Variants in GATAD2A observed in about 807,000 individuals in gnomAD.
GATAD2A encodes the protein GATA zinc finger domain containing 2A.
GATAD2A carries 12 observed loss-of-function variants against 68.5 expected under a neutral mutation model. That is an observed-to-expected ratio of 0.18 (90% CI 0.11 to 0.28). GATAD2A has a LOEUF of 0.28. Among genes scored for constraint, GATAD2A ranks in the 10% least tolerant of loss-of-function variants. GATAD2A has a pLI of 1.00. For synonymous variants in GATAD2A, 410 were observed against 375.3 expected, an observed-to-expected ratio of 1.09 and a Z score of -1.07; for missense variants, 755 against 868.5, an observed-to-expected ratio of 0.87 and a Z score of 1.64.
intron 1 of GATAD2A, among the ~76,000 whole-genome samples, chr19:19,407,859 T>C (rs1255764408): frequency 6.6e-6 from 1 of 152,258 alleles, no homozygotes; most frequent in Non-Finnish European, 1.5e-5. Flanking sequence ...ATTTTCTGTA[T>C]CCTCTGTCTT....
At position 19,415,598 on chromosome 19, in the gene GATAD2A, C is replaced by T. The variant is rs140371874; in HGVS notation, c.-7+9579C>T. 4.7e-3 allele frequency among the ~76,000 whole-genome samples: 707 copies of T among 150,544 alleles called. 6 individuals carry two copies. Among genetic ancestry groups the T allele is most frequent in the South Asian group, 0.041 (195 of 4,738 alleles). On this transcript the variant is annotated intron_variant, in intron 1 of 11. Transcript: ENST00000683918. ...CCAAGTAGCTGCGATTACAGGCGTG[C>T]GCCACCATGCCGGGCTAATATTTTT...
At chr19:19,462,145 C>T (rs1277368103) in intron 1 of GATAD2A, among the ~76,000 whole-genome samples, 2 of 152,348 alleles carry the variant, frequency 1.3e-5, no homozygotes, top group South Asian at 2.1e-4. Context: ...AGTCATCTGT[C>T]GCGCTTTCTT....
intron 11 of GATAD2A, among the ~76,000 whole-genome samples, chr19:19,502,755 T>C (rs953791910): frequency 1.3e-5 from 2 of 152,216 alleles, no homozygotes; most frequent in African/African-American, 4.8e-5. Flanking sequence ...GCACCCAGGC[T>C]CAGTCTTTGA....
intron 1 of GATAD2A, among the ~76,000 whole-genome samples, chr19:19,446,126 C>G (rs947764728): frequency 6.6e-5 from 10 of 152,222 alleles, no homozygotes; most frequent in Non-Finnish European, 1.3e-4. Flanking sequence ...CCATGTCACT[C>G]TTACCATTTT....
At chr19:19,493,714 AC>A in intron 4 of GATAD2A, among the ~76,000 whole-genome samples, 1 of 151,162 alleles carries the variant, frequency 6.6e-6, no homozygotes, top group East Asian at 2.0e-4. Context: ...GTTTTTTGAA[AC>A]CCTGCCCCCA....
intron 1 of GATAD2A, among the ~76,000 whole-genome samples, chr19:19,415,161 T>TTA (rs1568713633): frequency 6.8e-6 from 1 of 147,858 alleles, no homozygotes; most frequent in Non-Finnish European, 1.5e-5. Context: ...TTTTTTTTTT[T>TTA]ATGTTTTTTA....
At chr19:19,466,735 C>G (rs530176481) in intron 2 of GATAD2A, among the ~76,000 whole-genome samples, 1 of 152,332 alleles carries the variant, frequency 6.6e-6, no homozygotes, top group East Asian at 1.9e-4. Context: ...TCCTGCTGTC[C>G]AAAGAGGGCT....
chr19:19,446,710 A>T (rs191868909), intron 1 of GATAD2A, among the ~76,000 whole-genome samples: 11 of 152,172 alleles, frequency 7.2e-5, no homozygotes, highest in Non-Finnish European at 1.0e-4. Flanking sequence ...ATATGGGGTG[A>T]TGTAAAGATT....
At chr19:19,491,985 G>A (rs1016616394) in intron 2 of GATAD2A, among the ~76,000 whole-genome samples, 2 of 152,226 alleles carry the variant, frequency 1.3e-5, no homozygotes, top group Non-Finnish European at 2.9e-5. Flanking sequence ...GAGGCACACG[G>A]TAGAGGGAGC....
intron 2 of GATAD2A, among the ~76,000 whole-genome samples, chr19:19,490,878 C>A (rs910923793): frequency 6.6e-6 from 1 of 152,132 alleles, no homozygotes; most frequent in African/African-American, 2.4e-5. Flanking sequence ...GAGCAAGACT[C>A]CATCTCAAAA....
chr19:19,481,565 A>AT (rs1394958768), intron 2 of GATAD2A, among the ~76,000 whole-genome samples: 2 of 152,136 alleles, frequency 1.3e-5, no homozygotes, highest in African/African-American at 4.8e-5. Flanking sequence ...AGCTCAGGTC[A>AT]TCCTCTCACC....
chr19:19,492,781 A>G (rs768705563), intron 4 of GATAD2A, 69 bp downstream of exon 4: 91 of 1,532,598 alleles, frequency 5.9e-5, no homozygotes, highest in East Asian at 1.6e-4. Flanking sequence ...CCCCTCATCA[A>G]TGTCAGCGGC....
At position 19,465,587 on chromosome 19, in the gene GATAD2A, G is replaced by A; in HGVS notation, c.242G>A (p.Gly81Glu). 1.2e-6 allele frequency: 2 copies of A among 1,612,598 alleles called. No homozygotes were observed. Among genetic ancestry groups the A allele is most frequent in the Non-Finnish European group, 1.7e-6 (2 of 1,179,318 alleles). The change falls in exon 2 of 12, where the codon GGG becomes GAG. Residue 81 changes from glycine to glutamate, a missense_variant. Gly to Glu is a moderately conservative substitution (Grantham distance 98). Transcript: ENST00000683918. ...MGRGEGLVGD[G>E]PVDMRTSHSD... ...AGAGGCGAAGGGCTGGTGGGCGATG[G>A]GCCCGTGGACATGCGCACCTCACAC...
At chr19:19,501,020 T>A (rs993790853) in intron 8 of GATAD2A, 98 bp from the exon 9 acceptor site, 1 of 1,067,378 alleles carries the variant, frequency 9.4e-7, no homozygotes. Context: ...ACGGACAGAC[T>A]GTGGCGACTG....
chr19:19,475,588 G>A (rs1275158799), intron 2 of GATAD2A, among the ~76,000 whole-genome samples: 1 of 152,204 alleles, frequency 6.6e-6, no homozygotes, highest in African/African-American at 2.4e-5. Flanking sequence ...TTCCAGGAGA[G>A]GCTGGGTGGC....
chr19:19,449,594 C>CAAA (rs10532588), intron 1 of GATAD2A, among the ~76,000 whole-genome samples: 95 of 141,048 alleles, frequency 6.7e-4, no homozygotes, highest in African/African-American at 2.1e-3. Context: ...TTAAATGTAT[C>CAAA]AAAAAAAAAA....
intron 1 of GATAD2A, among the ~76,000 whole-genome samples, chr19:19,412,061 A>G (rs570806055): frequency 2.4e-4 from 35 of 147,344 alleles, no homozygotes; most frequent in Middle Eastern, 3.6e-3. Context: ...CAATGTAGCA[A>G]TCCCCCATCT....
chr19:19,478,312 A>G (rs1430699246), intron 2 of GATAD2A, among the ~76,000 whole-genome samples: 1 of 152,186 alleles, frequency 6.6e-6, no homozygotes, highest in Non-Finnish European at 1.5e-5. Flanking sequence ...GAAAATTTGA[A>G]AATACTGGCC....
At chr19:19,504,682 A>G (rs1338216715) in intron 11 of GATAD2A, among the ~76,000 whole-genome samples, 4 of 116,484 alleles carry the variant, frequency 3.4e-5, no homozygotes, top group Non-Finnish European at 5.2e-5. Context: ...GCTTCTTGCT[A>G]TGTTGCCCAG....
Sources: allele counts gnomAD v4.1 joint callset (sites outside exome capture counted in the v4.1 genomes callset), GRCh38; gene constraint gnomAD v4.1.1; transcripts MANE v1.5; gene names NCBI Gene and HGNC (gene_info 2026-07-23, HGNC 2026-07-21).